Variants in DNAH11 observed in about 807,000 individuals in gnomAD.
The protein encoded by DNAH11 is axonemal beta dynein heavy chain 11.
DNAH11 carries 442 observed loss-of-function variants against 526.0 expected under a neutral mutation model. The observed-to-expected ratio is 0.84, with a 90% CI of 0.78 to 0.91. The LOEUF (loss-of-function observed/expected upper bound fraction) is 0.91. Among genes scored for constraint, DNAH11 ranks in the 40% least tolerant of loss-of-function variants. The pLI is 0.00. For synonymous variants in DNAH11, 2,461 were observed against 1,935.9 expected, an observed-to-expected ratio of 1.27 and a Z score of -7.12; for missense variants, 6,989 against 5,448.7, an observed-to-expected ratio of 1.28 and a Z score of -8.90.
chr7:21,688,669 T>G (rs1425148452), intron 34 of DNAH11, among the ~76,000 whole-genome samples: 1 of 152,246 alleles, frequency 6.6e-6, no homozygotes, highest in East Asian at 1.9e-4. Context: ...ACTCCTTCTT[T>G]GCTAGTTGTC....
At chr7:21,754,437 C>T (rs945425926) in intron 54 of DNAH11, among the ~76,000 whole-genome samples, 4 of 152,128 alleles carry the variant, frequency 2.6e-5, no homozygotes, top group Admixed American at 2.6e-4. Flanking sequence ...TGTGTGTAGG[C>T]AGACCTTACT....
At chr7:21,749,640 C>A (rs764008941) in intron 52 of DNAH11, 38 bp from the exon 53 acceptor site, 2 of 1,611,462 alleles carry the variant, frequency 1.2e-6, no homozygotes, top group South Asian at 2.2e-5. Flanking sequence ...GCCGCATCAG[C>A]ATTTTAACAA....
At chr7:21,762,345 T>TGTGGAAATAAGTGTAGAAGTG (rs1786959506) in intron 54 of DNAH11, among the ~76,000 whole-genome samples, 1 of 152,154 alleles carries the variant, frequency 6.6e-6, no homozygotes, top group Non-Finnish European at 1.5e-5. Flanking sequence ...CAGTTACAAG[T>TGTGGAAATAAGTGTAGAAGTG]GTGGAAATAA....
chr7:21,705,492 G>A lies in DNAH11; in HGVS notation c.6501G>A (p.Arg2167=). The A allele has an allele frequency of 6.2e-7, 1 of 1,613,698 alleles. No individual in the cohort carries two copies. The highest frequency in any genetic ancestry group is 8.5e-7 in the Non-Finnish European group (1 of 1,179,702). ...VVQLEELLAV[R]HSVFVVGNAG... ...AGCTTGAGGAACTGTTGGCTGTGCG[G>A]CACTCGGTCTTTGTAGTTGGAAATG... The change falls in exon 39 of 82, where the codon CGG becomes CGA. Residue 2167 remains arginine, a synonymous_variant. Transcript: ENST00000409508.
intron 75 of DNAH11, among the ~76,000 whole-genome samples, chr7:21,882,711 C>A (rs576036079): frequency 6.6e-6 from 1 of 152,086 alleles, no homozygotes; most frequent in Non-Finnish European, 1.5e-5. Flanking sequence ...GTGAGAGGAT[C>A]GCTTGAACCC....
At chr7:21,829,403 A>G (rs1025024413) in intron 65 of DNAH11, among the ~76,000 whole-genome samples, 5 of 152,302 alleles carry the variant, frequency 3.3e-5, no homozygotes, top group Admixed American at 1.3e-4. Flanking sequence ...CTTCAATATA[A>G]TAATACAATA....
intron 56 of DNAH11, among the ~76,000 whole-genome samples, chr7:21,776,080 C>T (rs114724632): frequency 2.6e-5 from 4 of 152,146 alleles, no homozygotes; most frequent in African/African-American, 9.7e-5. Context: ...TTAATAGTCA[C>T]CTCAGTTACA....
chr7:21,635,198 C>T (rs781170332), intron 25 of DNAH11, among the ~76,000 whole-genome samples: 51 of 152,114 alleles, frequency 3.4e-4, no homozygotes, highest in Non-Finnish European at 6.2e-4. Flanking sequence ...CTCTGTTGCC[C>T]AGGCTTGGAG....
rs1362924474 is a variant in DNAH11, at chr7:21,742,089, A to G, written c.8077A>G (p.Met2693Val). The G allele has an allele frequency of 1.2e-6, 2 of 1,613,902 alleles. No individual in the cohort carries two copies. The highest frequency in any genetic ancestry group is 1.1e-5 in the South Asian group (1 of 91,064). The change falls in exon 49 of 82, where the codon ATG becomes GTG. Residue 2693 changes from methionine to valine, a missense_variant. By Grantham distance (21) the Met-to-Val change is conservative (BLOSUM62 1). Coordinates refer to ENST00000409508, the MANE Select transcript of DNAH11 (RefSeq NM_001277115.2). ...GGCAACAATAGCATTCCATCAGACA[A>G]TGATGTGTAACTTTTTACCCACGGC... ...IQATIAFHQT[M>V]MCNFLPTAIK... is the part of the protein sequence containing the mutation.
intron 30 of DNAH11, among the ~76,000 whole-genome samples, chr7:21,662,475 A>C (rs1782275887): frequency 6.6e-6 from 1 of 152,086 alleles, no homozygotes; most frequent in African/African-American, 2.4e-5. Context: ...TCCATTATTT[A>C]AAATTTTAAA....
chr7:21,547,368 G>C (rs775367429), intron 2 of DNAH11, among the ~76,000 whole-genome samples: 2 of 152,178 alleles, frequency 1.3e-5, no homozygotes, highest in Non-Finnish European at 2.9e-5. Context: ...TCGGAGACAC[G>C]CAGTACAGCA....
rs1157677299 is a variant in DNAH11 at position 21,559,780 on chromosome 7, C to A, written c.870C>A (p.Cys290Ter). ...TGATGAGGAGAGAAAATCTGTCATG[C>A]ATTTATGATCAAGTAAGTAGATAGC... is the stretch of plus-strand genomic sequence containing the variant. ...FWMMRRENLS[C>*]IYDQLQAPVV... Residue 290 changes from cysteine to a stop codon, truncating the protein, a stop_gained, in exon 4 of 82, where the codon TGC becomes TGA. Coordinates refer to ENST00000409508, the MANE Select transcript of DNAH11 (RefSeq NM_001277115.2). LOFTEE classifies it high-confidence loss of function. 6.3e-7 allele frequency: 1 copy of A among 1,596,878 alleles called. No individual in the cohort carries two copies. Among genetic ancestry groups the A allele is most frequent in the Non-Finnish European group, 8.5e-7 (1 of 1,170,646 alleles).
At chr7:21,794,748 G>T (rs1462393911) in intron 61 of DNAH11, among the ~76,000 whole-genome samples, 1 of 151,864 alleles carries the variant, frequency 6.6e-6, no homozygotes, top group African/African-American at 2.4e-5. Context: ...TGCTTTCAGG[G>T]ATTTTTGTCT....
chr7:21,617,012 A>G (rs1785813034), intron 22 of DNAH11, among the ~76,000 whole-genome samples: 1 of 152,124 alleles, frequency 6.6e-6, no homozygotes, highest in Admixed American at 6.5e-5. Flanking sequence ...CCAAACTAAA[A>G]TGTCCCTTCA....
At chr7:21,858,296 T>C (rs1455191565) in intron 68 of DNAH11, among the ~76,000 whole-genome samples, 4 of 152,208 alleles carry the variant, frequency 2.6e-5, no homozygotes, top group African/African-American at 7.2e-5. Context: ...ATAAACCATT[T>C]TGGAAAACAG....
intron 18 of DNAH11, among the ~76,000 whole-genome samples, chr7:21,602,331 C>T (rs909142974): frequency 9.2e-5 from 14 of 152,016 alleles, no homozygotes; most frequent in African/African-American, 3.1e-4. Context: ...AAGCGAGACT[C>T]CTTCTCAAAA....
intron 30 of DNAH11, among the ~76,000 whole-genome samples, chr7:21,670,644 T>C (rs969953548): frequency 6.6e-6 from 1 of 152,160 alleles, no homozygotes; most frequent in Admixed American, 6.5e-5. Flanking sequence ...CCAGTAAATA[T>C]AATGTTAGTT....
At chr7:21,557,986 A>G (rs1783287432) in intron 2 of DNAH11, among the ~76,000 whole-genome samples, 1 of 152,232 alleles carries the variant, frequency 6.6e-6, no homozygotes, top group Admixed American at 6.5e-5. Flanking sequence ...CACCATTCAA[A>G]AATGAAAGTG....
intron 27 of DNAH11, among the ~76,000 whole-genome samples, chr7:21,638,656 C>A (rs1022264150): frequency 6.6e-6 from 1 of 150,676 alleles, no homozygotes; most frequent in Non-Finnish European, 1.5e-5. Context: ...ATAATGTAAA[C>A]CTAAGTCTAA....
Sources: gnomAD v4.1 joint callset for allele counts (sites outside exome capture counted in the v4.1 genomes callset) on GRCh38, gnomAD v4.1.1 for gene constraint, MANE v1.5 for transcripts, NCBI Gene and HGNC (gene_info 2026-07-23, HGNC 2026-07-21) for gene names.